The following SLC39A8 variants were observed in gnomAD, a reference collection of about 807,000 sequenced individuals.
SLC39A8 encodes metal cation symporter ZIP8.
In SLC39A8, 15 loss-of-function variants were observed where a neutral mutation model predicts 40.4. That is an observed-to-expected ratio of 0.37 (90% CI 0.25 to 0.57). SLC39A8 has a LOEUF of 0.57. Ranked by LOEUF, SLC39A8 falls within the 20% of genes least tolerant of loss-of-function variation. The probability of loss-of-function intolerance (pLI) is 0.75; values close to 1 mark genes in which losing one functional copy is unlikely to be tolerated. For missense variants in SLC39A8, 472 were observed against 558.8 expected, an observed-to-expected ratio of 0.84 and a Z score of 1.57; for synonymous variants, 223 against 221.6, an observed-to-expected ratio of 1.01 and a Z score of -0.06.
chr4:102,303,033 C>T (rs1215451427), intron 6 of SLC39A8, among the ~76,000 whole-genome samples: 1 of 151,794 alleles, frequency 6.6e-6, no homozygotes, highest in South Asian at 2.1e-4. Flanking sequence ...GTTTTCTTTC[C>T]AGAAGGAAAC....
chr4:102,304,851 C>T (rs1734098135), intron 5 of SLC39A8, 138 bp downstream of exon 5: 2 of 693,264 alleles, frequency 2.9e-6, no homozygotes, highest in Non-Finnish European at 2.3e-6. Flanking sequence ...TATATTGACT[C>T]TTTGTTCTCC....
intron 3 of SLC39A8, among the ~76,000 whole-genome samples, chr4:102,311,890 T>C (rs1204191360): frequency 6.6e-6 from 1 of 152,110 alleles, no homozygotes; most frequent in Non-Finnish European, 1.5e-5. Context: ...TGAAAAGTTA[T>C]ATGAAAAATC....
chr4:102,339,219 G>A (rs1389460870), intron 2 of SLC39A8, among the ~76,000 whole-genome samples: 2 of 151,892 alleles, frequency 1.3e-5, no homozygotes, highest in Non-Finnish European at 2.9e-5. Flanking sequence ...AAGAGACCTA[G>A]GTAACCTCAC....
chr4:102,258,184 A>T (rs569686230), downstream of SLC39A8, among the ~76,000 whole-genome samples: 19 of 150,104 alleles, frequency 1.3e-4, no homozygotes, highest in Non-Finnish European at 2.7e-4. Context: ...GGCTCACTGC[A>T]AGCTCCGCCT....
At chr4:102,341,058 T>A (rs1292176063) in intron 2 of SLC39A8, among the ~76,000 whole-genome samples, 3 of 96,350 alleles carry the variant, frequency 3.1e-5, no homozygotes, top group African/African-American at 6.1e-5. Flanking sequence ...GGCTCAAGAT[T>A]TAGAGTTTGC....
intron 6 of SLC39A8, among the ~76,000 whole-genome samples, chr4:102,291,178 CTT>C (rs1733423861): frequency 6.6e-6 from 1 of 151,986 alleles, no homozygotes; most frequent in Non-Finnish European, 1.5e-5. Context: ...TCCTATATCT[CTT>C]TACCAGATCC....
chr4:102,284,349 T>C (rs1465117831), intron 6 of SLC39A8, among the ~76,000 whole-genome samples: 1 of 152,224 alleles, frequency 6.6e-6, no homozygotes, highest in African/African-American at 2.4e-5. Flanking sequence ...GCATGGCATT[T>C]GTAACTCTAT....
At chr4:102,328,777 G>A (rs1194676295) in intron 2 of SLC39A8, among the ~76,000 whole-genome samples, 1 of 152,108 alleles carries the variant, frequency 6.6e-6, no homozygotes, top group Non-Finnish European at 1.5e-5. Flanking sequence ...TGTAATCCCA[G>A]CACTTTGGGA....
chr4:102,251,190 T>C (rs1243907709), exon 12 of SLC39A8: 1 of 152,238 alleles, frequency 6.6e-6, no homozygotes, highest in Non-Finnish European at 1.5e-5. Flanking sequence ...TCATCTCAAA[T>C]AGTTGTCATT....
chr4:102,328,761 C>T (rs1470067270), intron 2 of SLC39A8, among the ~76,000 whole-genome samples: 1 of 152,140 alleles, frequency 6.6e-6, no homozygotes, highest in Non-Finnish European at 1.5e-5. Flanking sequence ...CACGGTGGCT[C>T]ACGCCTGTAA....
chr4:102,334,663 G>C lies in SLC39A8; in HGVS notation c.219+9781C>G, dbSNP rs574108782. On this transcript the variant is annotated intron_variant, in intron 2 of 8. Coordinates refer to ENST00000356736, the MANE Select transcript of SLC39A8 (RefSeq NM_001135146.2). ...GGCATTAGTTCTACCTTGACATTCA[G>C]GCACTTGGATGACACAAGAGGCACT... 5.8e-4 allele frequency among the ~76,000 whole-genome samples: 88 copies of C among 152,288 alleles called. No homozygotes were observed. In the Middle Eastern group the frequency reaches 0.01, roughly 18 times the overall value.
At chr4:102,253,481 C>T (rs1395299917) in intron 11 of SLC39A8, 2 of 692,970 alleles carry the variant, frequency 2.9e-6, no homozygotes, top group Non-Finnish European at 5.4e-6. Context: ...TGTGAGTTAC[C>T]ATGTTTCCGT....
At chr4:102,283,785 T>C (rs1208113147) in intron 6 of SLC39A8, among the ~76,000 whole-genome samples, 1 of 152,234 alleles carries the variant, frequency 6.6e-6, no homozygotes, top group Non-Finnish European at 1.5e-5. Flanking sequence ...AATGCTTACT[T>C]TGAAGAAGAA....
intron 2 of SLC39A8, among the ~76,000 whole-genome samples, chr4:102,320,269 G>A (rs1391873575): frequency 7.7e-6 from 1 of 129,048 alleles, no homozygotes; most frequent in Non-Finnish European, 1.6e-5. Context: ...ATATATATGA[G>A]AATATTATAT....
chr4:102,328,452 A>T lies in SLC39A8; in HGVS notation c.220-12622T>A, dbSNP rs1390203314. Among the ~76,000 whole-genome samples the T allele has an allele frequency of 4.6e-5, 7 of 152,318 alleles. No individual in the cohort carries two copies. The South Asian group carries it at 6.2e-4, about 14-fold the overall frequency. On this transcript the variant is annotated intron_variant, in intron 2 of 8. Transcript: ENST00000356736. ...GTCTAGATCATCTGCTTAAACCAGC[A>T]GAATAGAGAGTTCATGTGTCCTTTT...
At chr4:102,276,053 C>T (rs917487125) in intron 6 of SLC39A8, among the ~76,000 whole-genome samples, 1 of 152,064 alleles carries the variant, frequency 6.6e-6, no homozygotes, top group South Asian at 2.1e-4. Flanking sequence ...AAAATTGACA[C>T]CCTAATATCA....
chr4:102,328,075 A>C (rs1303301902), intron 2 of SLC39A8, among the ~76,000 whole-genome samples: 1 of 152,228 alleles, frequency 6.6e-6, no homozygotes, highest in Non-Finnish European at 1.5e-5. Flanking sequence ...TTCATAAACT[A>C]AAAGTAATAA....
intron 6 of SLC39A8, among the ~76,000 whole-genome samples, chr4:102,302,997 G>A (rs1246881451): frequency 6.6e-6 from 1 of 151,900 alleles, no homozygotes; most frequent in Non-Finnish European, 1.5e-5. Flanking sequence ...CCTTAATCAG[G>A]TGGAGAGAAG....
At position 102,332,811 on chromosome 4, in the gene SLC39A8, T is replaced by C. The variant is rs773477320; in HGVS notation, c.219+11633A>G. On this transcript the variant is annotated intron_variant, in intron 2 of 8. Coordinates refer to ENST00000356736, the MANE Select transcript of SLC39A8 (RefSeq NM_001135146.2). ...TTGTATAAAGAAAATGTGGCACATA[T>C]ACACCATGGAATACCATGCAGCCAT... Among the ~76,000 whole-genome samples the C allele has an allele frequency of 3.0e-4, 46 of 152,310 alleles. 1 individual carries two copies. Among genetic ancestry groups the C allele is most frequent in the South Asian group, 2.9e-3 (14 of 4,826 alleles).
Sources: gnomAD v4.1 joint callset for allele counts (sites outside exome capture counted in the v4.1 genomes callset) on GRCh38, gnomAD v4.1.1 for gene constraint, MANE v1.5 for transcripts, NCBI Gene and HGNC (gene_info 2026-07-23, HGNC 2026-07-21) for gene names.